HIBADH: variants seen among roughly 807,000 people sequenced by gnomAD.
The protein encoded by HIBADH is 3-hydroxyisobutyrate dehydrogenase.
HIBADH carries 25 observed loss-of-function variants against 36.1 expected under a neutral mutation model. The ratio of observed to expected loss-of-function variants is 0.69; its 90% CI spans 0.50 to 0.97. HIBADH has a LOEUF of 0.97. Among genes scored for constraint, HIBADH ranks in the 50% least tolerant of loss-of-function variants. HIBADH has a pLI of 0.00. For synonymous variants in HIBADH, 160 were observed against 149.5 expected (o/e 1.07, Z -0.51); for missense variants, 421 against 418.0 (o/e 1.01, Z -0.06).
chr7:27,624,580 G>T (rs534491152), intron 4 of HIBADH, among the ~76,000 whole-genome samples: 1 of 152,242 alleles, frequency 6.6e-6, no homozygotes, highest in Admixed American at 6.5e-5. Context: ...GGGTCTAGCT[G>T]GAATGTTCAT....
rs968271741 is a variant in HIBADH, at chr7:27,585,256, C to G, written c.485-42156G>C. 4.3e-5 allele frequency among the ~76,000 whole-genome samples: 5 copies of G among 115,898 alleles called. No individual in the cohort carries two copies. The South Asian group carries it at 1.2e-3, about 27-fold the overall frequency. 76.0% of individuals were successfully genotyped at this position (115,898 alleles called of 152,430 possible). On this transcript the variant is annotated intron_variant, in intron 4 of 7. Coordinates refer to ENST00000265395, the MANE Select transcript of HIBADH (RefSeq NM_152740.4). ...GTGCACACACGTGTGCATATATACA[C>G]ACGTGTGTATGTATGTGTATGTATA...
At chr7:27,585,221 A>G (rs746934092) in intron 4 of HIBADH, among the ~76,000 whole-genome samples, 3 of 151,774 alleles carry the variant, frequency 2.0e-5, no homozygotes, top group Non-Finnish European at 2.9e-5. Context: ...GTACGTGTGT[A>G]TATTTGCATG....
chr7:27,617,909 A>C (rs897560587), intron 4 of HIBADH, among the ~76,000 whole-genome samples: 9 of 152,178 alleles, frequency 5.9e-5, no homozygotes, highest in African/African-American at 2.2e-4. Context: ...GCTGGGTCCA[A>C]AGTGCTTTAA....
chr7:27,554,036 A>G (rs1416042673), intron 4 of HIBADH, among the ~76,000 whole-genome samples: 1 of 152,116 alleles, frequency 6.6e-6, no homozygotes, highest in Non-Finnish European at 1.5e-5. Context: ...CCTAGGCTGG[A>G]GTACAGTGGT....
chr7:27,558,037 TG>T (rs1784418387), intron 4 of HIBADH, among the ~76,000 whole-genome samples: 1 of 152,212 alleles, frequency 6.6e-6, no homozygotes, highest in African/African-American at 2.4e-5. Flanking sequence ...CTATTTCTTC[TG>T]GACTTTCCAT....
intron 4 of HIBADH, among the ~76,000 whole-genome samples, chr7:27,605,513 G>A: frequency 9.4e-6 from 1 of 106,132 alleles, no homozygotes; most frequent in Non-Finnish European, 1.8e-5. Flanking sequence ...TTGCCACATG[G>A]TGGGGGGCGG....
At chr7:27,546,450 T>C (rs960697114) in intron 4 of HIBADH, among the ~76,000 whole-genome samples, 2 of 152,168 alleles carry the variant, frequency 1.3e-5, no homozygotes, top group African/African-American at 2.4e-5. Flanking sequence ...GGCTTACTAC[T>C]TTTTAACTTG....
At chr7:27,539,571 T>A (rs1784116332) in intron 5 of HIBADH, among the ~76,000 whole-genome samples, 1 of 152,150 alleles carries the variant, frequency 6.6e-6, no homozygotes, top group Admixed American at 6.5e-5. Flanking sequence ...AAATGAAAGT[T>A]ACTTGCTTTT....
At chr7:27,616,706 C>T (rs1370637611) in intron 4 of HIBADH, among the ~76,000 whole-genome samples, 1 of 152,112 alleles carries the variant, frequency 6.6e-6, no homozygotes, top group Non-Finnish European at 1.5e-5. Context: ...AAGTGATGTG[C>T]TCGCCTTGGC....
chr7:27,620,891 GATA>G (rs1337979355), intron 4 of HIBADH, among the ~76,000 whole-genome samples: 1 of 151,618 alleles, frequency 6.6e-6, no homozygotes, highest in Non-Finnish European at 1.5e-5. Flanking sequence ...TAATAACCTT[GATA>G]GTAACTAAAC....
At chr7:27,565,039 G>A (rs1015188909) in intron 4 of HIBADH, among the ~76,000 whole-genome samples, 1 of 152,016 alleles carries the variant, frequency 6.6e-6, no homozygotes, top group African/African-American at 2.4e-5. Flanking sequence ...ACCTTTAAGC[G>A]TGCCTTTCAT....
chr7:27,583,333 T>C (rs1173435212), intron 4 of HIBADH, among the ~76,000 whole-genome samples: 1 of 152,022 alleles, frequency 6.6e-6, no homozygotes, highest in Non-Finnish European at 1.5e-5. Flanking sequence ...GAGAACAAAA[T>C]TCAGACTTGG....
chr7:27,612,353 CT>C (rs1188747362), intron 4 of HIBADH, among the ~76,000 whole-genome samples: 1 of 140,184 alleles, frequency 7.1e-6, no homozygotes, highest in African/African-American at 2.7e-5. Flanking sequence ...TGAGAAAAGT[CT>C]TGCTCTTGTC....
chr7:27,622,832 A>C (rs181329171), intron 4 of HIBADH, among the ~76,000 whole-genome samples: 50 of 152,328 alleles, frequency 3.3e-4, no homozygotes, highest in Non-Finnish European at 5.9e-5. Context: ...CTGACAGCTG[A>C]GTTCTACCAA....
chr7:27,633,855 C>T (rs1785791201), intron 2 of HIBADH, among the ~76,000 whole-genome samples: 1 of 152,068 alleles, frequency 6.6e-6, no homozygotes, highest in African/African-American at 2.4e-5. Flanking sequence ...CGTATTTCTA[C>T]TAGAAAATGT....
At chr7:27,622,092 A>G (rs966319986) in intron 4 of HIBADH, among the ~76,000 whole-genome samples, 9 of 152,114 alleles carry the variant, frequency 5.9e-5, no homozygotes, top group Admixed American at 4.6e-4. Flanking sequence ...CATCTCTACA[A>G]AAATTAGACA....
At chr7:27,588,450 T>A (rs1784894264) in intron 4 of HIBADH, among the ~76,000 whole-genome samples, 1 of 152,174 alleles carries the variant, frequency 6.6e-6, no homozygotes, top group Admixed American at 6.5e-5. Flanking sequence ...TGCCTCAGCC[T>A]CCCGAGTAGC....
At chr7:27,656,722 A>G (rs976524402) in intron 1 of HIBADH, among the ~76,000 whole-genome samples, 3 of 152,222 alleles carry the variant, frequency 2.0e-5, no homozygotes, top group Non-Finnish European at 4.4e-5. Context: ...TACCATGAGC[A>G]TGTAACTTTT....
intron 4 of HIBADH, among the ~76,000 whole-genome samples, chr7:27,612,667 C>T (rs1309018483): frequency 6.6e-6 from 1 of 151,490 alleles, no homozygotes; most frequent in East Asian, 2.0e-4. Flanking sequence ...GACACAGGGG[C>T]TCACACCTGT....
Sources: gnomAD v4.1 joint callset for allele counts (sites outside exome capture counted in the v4.1 genomes callset) on GRCh38, gnomAD v4.1.1 for gene constraint, MANE v1.5 for transcripts, NCBI Gene and HGNC (gene_info 2026-07-23, HGNC 2026-07-21) for gene names.